The following ADAM19 variants were observed in gnomAD, a reference collection of about 807,000 sequenced individuals.
ADAM19 encodes the protein ADAM metallopeptidase domain 19.
Under a neutral mutation model 114.7 loss-of-function variants are expected in ADAM19, and 65 were observed. That is an observed-to-expected ratio of 0.57 (90% CI 0.46 to 0.70). The LOEUF (loss-of-function observed/expected upper bound fraction) is 0.70, where lower values mean the gene tolerates loss of function less well. Among genes scored for constraint, ADAM19 ranks in the 30% least tolerant of loss-of-function variants. The pLI is 0.00. For missense variants in ADAM19, 1,063 were observed against 1,204.7 expected, an observed-to-expected ratio of 0.88 and a Z score of 1.74; for synonymous variants, 466 against 460.5, an observed-to-expected ratio of 1.01 and a Z score of -0.15.
chr5:157,517,948 A>G (rs777584834), intron 7 of ADAM19, among the ~76,000 whole-genome samples: 9 of 152,158 alleles, frequency 5.9e-5, no homozygotes, highest in Non-Finnish European at 8.8e-5. Flanking sequence ...TCTGGGATTC[A>G]GGAGGTCGGG....
At position 157,513,535 on chromosome 5, in the gene ADAM19, T is replaced by C. The variant is rs751783320; in HGVS notation, c.667-30A>G. The C allele has an allele frequency of 1.9e-6, 3 of 1,588,576 alleles. No homozygotes were observed. The South Asian group carries it at 3.3e-5, about 18-fold the overall frequency. ...ATGGGACAAGCAGAACCATGTGAGA[T>C]CCCAGAACCTCTCACAGGATGCTTC... On this transcript the variant is annotated intron_variant, in intron 7 of 22. Coordinates refer to ENST00000257527, the MANE Select transcript of ADAM19 (RefSeq NM_033274.5).
intron 12 of ADAM19, among the ~76,000 whole-genome samples, chr5:157,500,274 C>A (rs1755519527): frequency 6.6e-6 from 1 of 152,102 alleles, no homozygotes; most frequent in South Asian, 2.1e-4. Context: ...GTAGCTGGGA[C>A]CACAGGCACA....
intron 5 of ADAM19, among the ~76,000 whole-genome samples, chr5:157,528,193 C>A (rs1262371363): frequency 1.3e-5 from 2 of 152,198 alleles, no homozygotes; most frequent in Non-Finnish European, 2.9e-5. Context: ...GCTCTTAAAT[C>A]AGTCCACCCA....
rs1422052380 is a variant in ADAM19, at chr5:157,493,064, C to T, written c.1817G>A (p.Arg606Gln). The stretch of plus-strand genomic sequence containing the variant: ...AGGACCTCGGTAGACGTGGGTGCCC[C>T]GGCACTGGATCTGCCTCCCATTCAT... Reference protein sequence around the residue: ...IIMNGRQIQCRGTHVYRGPEE... With the variant: ...IIMNGRQIQCQGTHVYRGPEE... Residue 606 changes from arginine to glutamine, a missense_variant, in exon 16 of 23, where the codon CGG (arginine) becomes CAG (glutamine). Coordinates refer to ENST00000257527, the MANE Select transcript of ADAM19 (RefSeq NM_033274.5). 6.8e-6 allele frequency: 11 copies of T among 1,614,222 alleles called. No homozygotes were observed. The highest frequency in any genetic ancestry group is 4.0e-5 in the African/African-American group (3 of 75,040).
intron 13 of ADAM19, among the ~76,000 whole-genome samples, chr5:157,498,742 A>G (rs1755451571): frequency 6.6e-6 from 1 of 150,992 alleles, no homozygotes; most frequent in Admixed American, 6.6e-5. Flanking sequence ...GTCCGCATAT[A>G]TAACTACATA....
intron 1 of ADAM19, 73 bp from the exon 2 acceptor site, chr5:157,571,053 T>C (rs1394761751): frequency 7.6e-6 from 10 of 1,317,510 alleles, no homozygotes; most frequent in South Asian, 2.5e-5. Flanking sequence ...ATGCACTTTC[T>C]GTGAGCTGCC....
At chr5:157,570,603 A>T in intron 2 of ADAM19, 1 of 300,532 alleles carries the variant, frequency 3.3e-6, no homozygotes, top group South Asian at 6.1e-5. Context: ...TATTTAATGA[A>T]TTCCAATCAA....
intron 2 of ADAM19, among the ~76,000 whole-genome samples, chr5:157,567,443 G>C (rs1219706881): frequency 1.3e-5 from 2 of 152,148 alleles, no homozygotes; most frequent in Non-Finnish European, 2.9e-5. Flanking sequence ...GAGTTTTTGA[G>C]GCAGTGCCCT....
Position 157,507,594 on chromosome 5 carries a change from G to A in ADAM19, c.906-454C>T, listed in dbSNP as rs545587582. Among the ~76,000 whole-genome samples, 3 of 152,344 alleles carry A rather than the reference G, an allele frequency of 2.0e-5. No individual in the cohort carries two copies. In the East Asian group the frequency reaches 5.8e-4, roughly 29 times the overall value. Reference sequence around the variant, plus strand: ...CTGGCTCTGTGGTGTGAGTCCCACAGGGTAGGGGTGGGGGCATCGGGGCAG... The same window carrying A: ...CTGGCTCTGTGGTGTGAGTCCCACAAGGTAGGGGTGGGGGCATCGGGGCAG... On this transcript the variant is annotated intron_variant, in intron 9 of 22. Coordinates refer to ENST00000257527, the MANE Select transcript of ADAM19 (RefSeq NM_033274.5).
At position 157,507,092 on chromosome 5, in the gene ADAM19, G is replaced by GT; in HGVS notation, c.953_954insA (p.Met319HisfsTer38). The GT allele has an allele frequency of 6.2e-7, 1 of 1,614,126 alleles. No individual in the cohort carries two copies. Among genetic ancestry groups the GT allele is most frequent in the Non-Finnish European group, 8.5e-7 (1 of 1,180,014 alleles). On this transcript the variant is annotated frameshift_variant, in exon 10 of 23. Coordinates refer to ENST00000257527, the MANE Select transcript of ADAM19 (RefSeq NM_033274.5). LOFTEE classifies it high-confidence loss of function. ...CTCCAGACTGGTACACAGAGCACATGGCCATGAGGGGGGCCAGGCCGATGG... is the reference window on the plus strand; with the variant it reads ...CTCCAGACTGGTACACAGAGCACATGTGCCATGAGGGGGGCCAGGCCGATGG...
In ADAM19 at chr5:157,491,715, GT is replaced by G; in HGVS notation, c.1994del (p.Asn665ThrfsTer40). The G allele has an allele frequency of 6.3e-7, 1 of 1,593,478 alleles. No homozygotes were observed. Among genetic ancestry groups the G allele is most frequent in the South Asian group, 1.1e-5 (1 of 88,224 alleles). ...GKKCNGHGVC[N>X]NNQNCHCLPG... is the part of the protein sequence containing the mutation. ...GCAGGCAGTGGCAGTTCTGGTTGTT[GT>G]TACAGACCTGGAGCAAAGAAAGGGC... On this transcript the variant is annotated frameshift_variant, in exon 18 of 23. Transcript: ENST00000257527. LOFTEE classifies it high-confidence loss of function.
At chr5:157,503,566 G>A (rs1755637638) in intron 11 of ADAM19, among the ~76,000 whole-genome samples, 4 of 151,958 alleles carry the variant, frequency 2.6e-5, no homozygotes, top group South Asian at 4.2e-4. Flanking sequence ...TTTCTTAGTC[G>A]GCATGCAGAA....
chr5:157,498,173 T>A (rs1478187111), intron 13 of ADAM19, among the ~76,000 whole-genome samples: 1 of 151,352 alleles, frequency 6.6e-6, no homozygotes, highest in Non-Finnish European at 1.5e-5. Context: ...CACAGGGTCC[T>A]TCCAGGAGAA....
chr5:157,538,328 C>A (rs765971312), intron 3 of ADAM19, among the ~76,000 whole-genome samples: 3 of 139,406 alleles, frequency 2.2e-5, no homozygotes, highest in Non-Finnish European at 3.3e-5. Context: ...GCCTATGAAC[C>A]CTGTTGTGTA....
chr5:157,548,535 T>C (rs1312545667), intron 3 of ADAM19, among the ~76,000 whole-genome samples: 2 of 152,216 alleles, frequency 1.3e-5, no homozygotes, highest in South Asian at 2.1e-4. Flanking sequence ...TCTGACTCAA[T>C]ACCTGCCCCA....
rs1198695748 is a variant in ADAM19, at chr5:157,478,372, A to G, written c.*2577T>C. ...CTTTCTAGCCATGTTTACTTCTTCC[A>G]ATAAAAGAAAAGTCCTTTTCTGCCT... On this transcript the variant is annotated 3_prime_UTR_variant, in exon 23 of 23. Coordinates refer to ENST00000257527, the MANE Select transcript of ADAM19 (RefSeq NM_033274.5). 1 of 160,024 alleles carries G rather than the reference A, an allele frequency of 6.2e-6. No homozygotes were observed. The highest frequency in any genetic ancestry group is 1.3e-5 in the Non-Finnish European group (1 of 75,936). 9.9% of individuals were successfully genotyped at this position (160,024 alleles called of 1,614,324 possible).
chr5:157,489,065 G>A, intron 20 of ADAM19, 37 bp downstream of exon 20: 1 of 1,562,804 alleles, frequency 6.4e-7, no homozygotes, highest in South Asian at 1.1e-5. Context: ...GAGGGATAAA[G>A]GAAAAGTAGC....
intron 5 of ADAM19, among the ~76,000 whole-genome samples, chr5:157,521,660 C>T (rs1349889836): frequency 6.6e-6 from 1 of 152,150 alleles, no homozygotes; most frequent in Non-Finnish European, 1.5e-5. Flanking sequence ...CAGCAGTACC[C>T]AATCACCCCC....
chr5:157,543,033 C>T (rs532414230), intron 3 of ADAM19, among the ~76,000 whole-genome samples: 5 of 152,024 alleles, frequency 3.3e-5, no homozygotes, highest in African/African-American at 1.2e-4. Context: ...AAAAGATAAC[C>T]CCAAAGGTTA....
Sources: allele counts gnomAD v4.1 joint callset (sites outside exome capture counted in the v4.1 genomes callset), GRCh38; gene constraint gnomAD v4.1.1; transcripts MANE v1.5; gene names NCBI Gene and HGNC (gene_info 2026-07-23, HGNC 2026-07-21).